Variants in B3GALT1 observed in about 807,000 individuals in gnomAD.
B3GALT1 encodes beta-1,3-galactosyltransferase 1, also known as UDP-Gal:betaGlcNAc beta 1,3-galactosyltransferase, polypeptide 1.
In B3GALT1, 10 loss-of-function variants were observed where a neutral mutation model predicts 23.2. That is an observed-to-expected ratio of 0.43 (90% CI 0.27 to 0.73). The LOEUF (loss-of-function observed/expected upper bound fraction) is 0.73, where lower values mean the gene tolerates loss of function less well. B3GALT1 is among the 30% of genes least tolerant of loss of function. The probability of loss-of-function intolerance (pLI) is 0.21; values close to 1 mark genes in which losing one functional copy is unlikely to be tolerated. For missense variants in B3GALT1, 299 were observed against 405.4 expected (o/e 0.74, Z 2.25); for synonymous variants, 156 against 141.5 (o/e 1.10, Z -0.73).
chr2:167,667,333 G>T (rs1002611578), intron 3 of B3GALT1, among the ~76,000 whole-genome samples: 9 of 152,156 alleles, frequency 5.9e-5, no homozygotes, highest in African/African-American at 2.2e-4. Flanking sequence ...GTTAGTCTGA[G>T]GGGCTTCCCT....
chr2:167,697,235 G>A (rs192452185), intron 3 of B3GALT1, among the ~76,000 whole-genome samples: 86 of 152,294 alleles, frequency 5.6e-4, no homozygotes, highest in Non-Finnish European at 9.0e-4. Context: ...AATCAGTGAC[G>A]TTGCTCATGA....
chr2:167,806,203 G>C (rs575713006), intron 3 of B3GALT1, among the ~76,000 whole-genome samples: 23 of 152,294 alleles, frequency 1.5e-4, no homozygotes, highest in East Asian at 1.2e-3. Context: ...TGCTGAAGTT[G>C]CCCATCAGCT....
At chr2:167,504,242 T>C (rs1046870630) in intron 2 of B3GALT1, among the ~76,000 whole-genome samples, 2 of 152,224 alleles carry the variant, frequency 1.3e-5, no homozygotes, top group African/African-American at 4.8e-5. Flanking sequence ...GTTGGCCTTG[T>C]TTACTTAGTG....
chr2:167,525,380 A>C (rs1683202193), intron 2 of B3GALT1, among the ~76,000 whole-genome samples: 1 of 152,024 alleles, frequency 6.6e-6, no homozygotes, highest in Non-Finnish European at 1.5e-5. Context: ...AGAACATTTC[A>C]CATTTATTAT....
intron 3 of B3GALT1, among the ~76,000 whole-genome samples, chr2:167,664,397 A>G (rs1478178141): frequency 6.7e-6 from 1 of 149,592 alleles, no homozygotes; most frequent in African/African-American, 2.6e-5. Context: ...AGGTAGCATG[A>G]TGCCTCCAGC....
chr2:167,626,830 C>G (rs1685355571), intron 2 of B3GALT1, among the ~76,000 whole-genome samples: 1 of 151,682 alleles, frequency 6.6e-6, no homozygotes, highest in African/African-American at 2.4e-5. Context: ...ATAGTCACAG[C>G]AGAGACTCTT....
chr2:167,456,765 T>TG (rs1699179540), intron 1 of B3GALT1, among the ~76,000 whole-genome samples: 1 of 152,110 alleles, frequency 6.6e-6, no homozygotes, highest in South Asian at 2.1e-4. Flanking sequence ...GGGATATGGG[T>TG]GGGGGGCATG....
intron 1 of B3GALT1, among the ~76,000 whole-genome samples, chr2:167,442,478 A>G (rs1469877964): frequency 6.6e-6 from 1 of 151,868 alleles, no homozygotes; most frequent in Non-Finnish European, 1.5e-5. Context: ...TGGTTGAACT[A>G]GTTTACAGTC....
chr2:167,444,072 C>G (rs1349632242), intron 1 of B3GALT1, among the ~76,000 whole-genome samples: 1 of 152,168 alleles, frequency 6.6e-6, no homozygotes, highest in Non-Finnish European at 1.5e-5. Context: ...GAGTTTTTAG[C>G]ATGAAGGGCT....
chr2:167,782,330 G>C (rs1010082672), intron 3 of B3GALT1, among the ~76,000 whole-genome samples: 14 of 152,170 alleles, frequency 9.2e-5, no homozygotes, highest in African/African-American at 3.4e-4. Flanking sequence ...GTCTGGGTGG[G>C]TGTGCAGGGT....
chr2:167,607,195 A>G (rs1246847032), intron 2 of B3GALT1, among the ~76,000 whole-genome samples: 7 of 152,210 alleles, frequency 4.6e-5, no homozygotes, highest in Non-Finnish European at 1.0e-4. Context: ...GGAAAATGAA[A>G]GAAATAAAAA....
At chr2:167,731,478 A>G (rs189264114) in intron 3 of B3GALT1, among the ~76,000 whole-genome samples, 9 of 152,328 alleles carry the variant, frequency 5.9e-5, no homozygotes, top group Admixed American at 4.6e-4. Context: ...TTTGAACACC[A>G]TATGGAATCA....
chr2:167,685,670 G>T (rs911047315), intron 3 of B3GALT1, among the ~76,000 whole-genome samples: 1 of 152,170 alleles, frequency 6.6e-6, no homozygotes, highest in Non-Finnish European at 1.5e-5. Context: ...CAGAGAGAGA[G>T]CAGGGGCCAG....
chr2:167,528,602 C>A (rs1683264857), intron 2 of B3GALT1, among the ~76,000 whole-genome samples: 1 of 152,146 alleles, frequency 6.6e-6, no homozygotes, highest in South Asian at 2.1e-4. Context: ...CTTAGTCTCT[C>A]TGTCTCTCAG....
intron 3 of B3GALT1, among the ~76,000 whole-genome samples, chr2:167,802,468 A>C (rs571862493): frequency 1.3e-5 from 2 of 152,200 alleles, no homozygotes; most frequent in Non-Finnish European, 2.9e-5. Flanking sequence ...CACCTCAAAC[A>C]ATACAGAGGT....
chr2:167,566,551 T>TA (rs202083481), intron 2 of B3GALT1, among the ~76,000 whole-genome samples: 15 of 131,254 alleles, frequency 1.1e-4, no homozygotes, highest in Non-Finnish European at 1.8e-4. Flanking sequence ...AAATAAACTT[T>TA]AAAAAAAAAG....
At chr2:167,474,190 A>G (rs746642107) in intron 1 of B3GALT1, among the ~76,000 whole-genome samples, 6 of 152,206 alleles carry the variant, frequency 3.9e-5, no homozygotes, top group Non-Finnish European at 7.4e-5. Flanking sequence ...CTAATGGTTC[A>G]TAATTTTAAC....
At chr2:167,645,737 T>C (rs2105459411) in intron 2 of B3GALT1, among the ~76,000 whole-genome samples, 1 of 151,720 alleles carries the variant, frequency 6.6e-6, no homozygotes, top group Admixed American at 6.6e-5. Context: ...CTGGCTCATT[T>C]CTTTTGTATT....
intron 1 of B3GALT1, among the ~76,000 whole-genome samples, chr2:167,337,996 A>G (rs1253224465): frequency 1.3e-5 from 2 of 152,182 alleles, no homozygotes; most frequent in African/African-American, 4.8e-5. Context: ...CAAGTGGTGA[A>G]TGGGTCTAGA....
Sources: gnomAD v4.1 joint callset for allele counts (sites outside exome capture counted in the v4.1 genomes callset) on GRCh38, gnomAD v4.1.1 for gene constraint, MANE v1.5 for transcripts, NCBI Gene and HGNC (gene_info 2026-07-23, HGNC 2026-07-21) for gene names.